The following TTC13 variants were observed in gnomAD, a reference collection of about 807,000 sequenced individuals.
TTC13 encodes tetratricopeptide repeat domain 13.
Under a neutral mutation model 120.0 loss-of-function variants are expected in TTC13, and 62 were observed. The ratio of observed to expected loss-of-function variants is 0.52; its 90% CI spans 0.42 to 0.64. The LOEUF is 0.64. TTC13 is among the 30% of genes least tolerant of loss of function. The probability of loss-of-function intolerance (pLI) is 0.00; values close to 1 mark genes in which losing one functional copy is unlikely to be tolerated. For missense variants in TTC13, 824 were observed against 1,050.2 expected (o/e 0.78, Z 2.98); for synonymous variants, 384 against 393.5 (o/e 0.98, Z 0.28).
In TTC13 at chr1:230,942,746, G is replaced by T. The variant is rs12130934; in HGVS notation, c.672+1060C>A. ...TAAAAACATAAAACAGAATGCCTTT[G>T]TACAGACTCTCTTCCCTGCGCTGAA... On this transcript the variant is annotated intron_variant, in intron 6 of 22. Transcript: ENST00000366661. The surrounding 1 kb of genome is among the most constrained non-coding windows in gnomAD (Gnocchi z 4.0). 0.13 allele frequency among the ~76,000 whole-genome samples: 20,431 copies of T among 152,128 alleles called. 1,383 individuals are homozygous for T. Among genetic ancestry groups the T allele is most frequent in the Middle Eastern group, 0.16 (46 of 294 alleles).
intron 18 of TTC13, among the ~76,000 whole-genome samples, chr1:230,914,681 C>T (rs1671848744): frequency 6.6e-6 from 1 of 152,228 alleles, no homozygotes; most frequent in African/African-American, 2.4e-5. Context: ...GCGTGAGCCA[C>T]TGCGCCCGGC....
chr1:230,920,557 C>T lies in TTC13; in HGVS notation c.1936G>A (p.Ala646Thr). 6.3e-7 allele frequency: 1 copy of T among 1,599,226 alleles called. No individual in the cohort carries two copies. Among genetic ancestry groups the T allele is most frequent in the Non-Finnish European group, 8.5e-7 (1 of 1,174,718 alleles). Residue 646 changes from alanine (A) to threonine (T), a missense_variant, in exon 17 of 23, where the codon GCC (alanine) becomes ACC (threonine). Transcript: ENST00000366661. ...NPKGLLEVRE[A>T]LEKVHKVEDL... ...TCTACTTTGTGTACCTTTTCCAGGG[C>T]TTCCCGAACTTCCAGCAATCCTTTA...
chr1:230,943,488 TC>T (rs1366959701), intron 6 of TTC13, among the ~76,000 whole-genome samples: 7 of 152,182 alleles, frequency 4.6e-5, no homozygotes, highest in Non-Finnish European at 7.3e-5. Flanking sequence ...GTTATATTTT[TC>T]AAAATATAAC....
In TTC13 at chr1:230,973,266, T is replaced by C. The variant is rs377290951; in HGVS notation, c.271+5294A>G. Among the ~76,000 whole-genome samples the C allele has an allele frequency of 1.4e-4, 22 of 152,334 alleles. No homozygotes were observed. The South Asian group carries it at 4.1e-3, about 29-fold the overall frequency. On this transcript the variant is annotated intron_variant, in intron 1 of 22. Transcript: ENST00000366661. Reference sequence around the variant, plus strand: ...CTAGGCATAGCAGTGATCTATGTGCTGTGAGCAAAAAGACTGACTTCATGT... The same window carrying C: ...CTAGGCATAGCAGTGATCTATGTGCCGTGAGCAAAAAGACTGACTTCATGT...
At chr1:230,924,388 A>G (rs553365960) in intron 14 of TTC13, among the ~76,000 whole-genome samples, 246 of 152,352 alleles carry the variant, frequency 1.6e-3, no homozygotes, top group African/African-American at 5.4e-3. Context: ...GCTGGAGTGC[A>G]GTGGCGCGAT....
At chr1:230,962,551 G>A (rs547832312) in intron 1 of TTC13, among the ~76,000 whole-genome samples, 15 of 152,166 alleles carry the variant, frequency 9.9e-5, no homozygotes, top group Admixed American at 3.9e-4. Flanking sequence ...CTTAAAAAGC[G>A]AATCAGAATT....
intron 1 of TTC13, among the ~76,000 whole-genome samples, chr1:230,975,811 C>A (rs1351874538): frequency 1.3e-5 from 2 of 152,040 alleles, no homozygotes; most frequent in African/African-American, 4.8e-5. Flanking sequence ...TGCAGTAGAT[C>A]TGGGTGGGGC....
intron 1 of TTC13, among the ~76,000 whole-genome samples, chr1:230,968,720 G>A (rs1008966995): frequency 6.6e-6 from 1 of 152,100 alleles, no homozygotes; most frequent in African/African-American, 2.4e-5. Context: ...CAGAAAGAGG[G>A]AAAAGACACA....
In TTC13 at chr1:230,912,505, G is replaced by A. The variant is rs11583149; in HGVS notation, c.2229+118C>T. On this transcript the variant is annotated intron_variant, in intron 19 of 22. Transcript: ENST00000366661. ...TATAAGAAATAAGAAATATTTTTAG[G>A]TCAATTCAACCCAATTTCAAGCATA... 5.9e-4 allele frequency: 702 copies of A among 1,181,018 alleles called. 3 individuals are homozygous for A. The highest frequency in any genetic ancestry group is 2.8e-4 in the Non-Finnish European group (234 of 834,854). The allele number at this position is 1,181,018 out of a possible 1,614,324, so 73.2% of individuals were successfully genotyped here.
intron 9 of TTC13, among the ~76,000 whole-genome samples, 199 bp downstream of exon 9, chr1:230,933,580 T>C (rs1238387735): frequency 6.6e-6 from 1 of 152,216 alleles, no homozygotes; most frequent in Non-Finnish European, 1.5e-5. Flanking sequence ...GAGAATACTG[T>C]GCATCATGAC....
Position 230,978,004 on chromosome 1 carries a change from G to A in TTC13, c.271+556C>T, listed in dbSNP as rs1474605270. ...ACAACTGGAAGCAAGATGTCAACGA[G>A]CAGATAAGATGGGCTTGCTCTTTTT... is the stretch of plus-strand genomic sequence containing the variant. On this transcript the variant is annotated intron_variant, in intron 1 of 22. Coordinates refer to ENST00000366661, the MANE Select transcript of TTC13 (RefSeq NM_024525.5). This position sits in a 1 kb window ranked among gnomAD's most constrained non-coding sequence, Gnocchi z 5.6. 6.6e-6 allele frequency among the ~76,000 whole-genome samples: 1 copy of A among 152,222 alleles called. No homozygotes were observed. The highest frequency in any genetic ancestry group is 1.5e-5 in the Non-Finnish European group (1 of 68,040).
intron 3 of TTC13, 107 bp downstream of exon 3, chr1:230,958,117 T>C (rs1224806425): frequency 2.8e-6 from 3 of 1,089,392 alleles, no homozygotes; most frequent in Admixed American, 2.6e-5. Context: ...ACAGCTCAAA[T>C]TGGCAAAGCC....
chr1:230,967,627 CTATG>C (rs1262747246), intron 1 of TTC13, among the ~76,000 whole-genome samples: 2 of 152,062 alleles, frequency 1.3e-5, no homozygotes, highest in South Asian at 2.1e-4. Context: ...ATTTTTATAA[CTATG>C]TATGTATCTT....
rs772841089 is a variant in TTC13 at position 230,912,642 on chromosome 1, A to T, written c.2210T>A (p.Ile737Asn). The change falls in exon 19 of 23, where the codon ATT becomes AAT. Residue 737 changes from isoleucine (I) to asparagine (N), a missense_variant. Around this residue, in one of 4 missense-constraint regions of TTC13, gnomAD observed 226 missense variants for 259.1 expected, o/e 0.87. Transcript: ENST00000366661. ...ACCTACCCCAAATTCTGATGAAAGAATCAATACTTTTCCTTTTGCTGTCAA... is the reference window on the plus strand; with the variant it reads ...ACCTACCCCAAATTCTGATGAAAGATTCAATACTTTTCCTTTTGCTGTCAA... ...KDLTAKGKVLILSSEFGEADA... is the reference protein window; with the variant it reads ...KDLTAKGKVLNLSSEFGEADA... The T allele has an allele frequency of 9.3e-6, 15 of 1,611,976 alleles. No homozygotes were observed. In the African/African-American group the frequency reaches 1.9e-4, roughly 20 times the overall value.
At position 230,949,039 on chromosome 1, in the gene TTC13, C is replaced by A. The variant is rs1038396950; in HGVS notation, c.514-3585G>T. 2.6e-5 allele frequency among the ~76,000 whole-genome samples: 4 copies of A among 152,200 alleles called. 1 individual carries two copies. The highest frequency in any genetic ancestry group is 6.5e-5 in the Admixed American group (1 of 15,292). On this transcript the variant is annotated intron_variant, in intron 4 of 22. Transcript: ENST00000366661. ...CCACTGTTCACTGTATGGATGTCAGCCATTCATTCCACAATTATTTACTCA... is the reference window on the plus strand; with the variant it reads ...CCACTGTTCACTGTATGGATGTCAGACATTCATTCCACAATTATTTACTCA...
chr1:230,927,264 A>C (rs1425949260), intron 12 of TTC13, among the ~76,000 whole-genome samples: 7 of 152,312 alleles, frequency 4.6e-5, no homozygotes, highest in African/African-American at 1.7e-4. Context: ...ACAGAATCTT[A>C]TATCAAGTAT....
chr1:230,949,708 CG>C (rs1376356669), intron 4 of TTC13, among the ~76,000 whole-genome samples: 2 of 152,074 alleles, frequency 1.3e-5, no homozygotes, highest in Non-Finnish European at 2.9e-5. Flanking sequence ...TGCAGTGGCG[CG>C]ATCTTGGCTC....
intron 11 of TTC13, among the ~76,000 whole-genome samples, chr1:230,929,522 G>A (rs1047866114): frequency 6.6e-6 from 1 of 152,084 alleles, no homozygotes; most frequent in Non-Finnish European, 1.5e-5. Context: ...CACCGTGTTA[G>A]CCAGGATGGT....
Position 230,906,826 on chromosome 1 carries a change from C to A in TTC13, c.*79G>T. On this transcript the variant is annotated 3_prime_UTR_variant, in exon 23 of 23. Transcript: ENST00000366661. Reference sequence around the variant, plus strand: ...TCAAAAGTAATAGAGGACCTAATTTCTTTATAATTCCATGTTTTAAAAAAT... The same window carrying A: ...TCAAAAGTAATAGAGGACCTAATTTATTTATAATTCCATGTTTTAAAAAAT... The A allele has an allele frequency of 1.7e-6, 1 of 600,078 alleles. No homozygotes were observed. The highest frequency in any genetic ancestry group is 2.7e-6 in the Non-Finnish European group (1 of 375,144). The allele number at this position is 600,078 out of a possible 1,614,324, so 37.2% of individuals were successfully genotyped here.
Sources: gnomAD v4.1 joint callset for allele counts (sites outside exome capture counted in the v4.1 genomes callset) on GRCh38, gnomAD v4.1.1 for gene constraint, gnomAD v4.1.1 regional missense constraint, Gnocchi (gnomAD v3.1) non-coding constraint, MANE v1.5 for transcripts, NCBI Gene and HGNC (gene_info 2026-07-23, HGNC 2026-07-21) for gene names.